The following PTCHD1 variants were observed in gnomAD, a reference collection of about 807,000 sequenced individuals.
PTCHD1 encodes the protein patched domain-containing protein 1.
In PTCHD1, 3 loss-of-function variants were observed where a neutral mutation model predicts 34.6. The ratio of observed to expected loss-of-function variants is 0.09; its 90% CI spans 0.04 to 0.22. The LOEUF is 0.22. PTCHD1 is among the 10% of genes least tolerant of loss of function. PTCHD1 has a pLI of 1.00. For synonymous variants in PTCHD1, 305 were observed against 283.1 expected (o/e 1.08, Z -0.77); for missense variants, 504 against 685.5 (o/e 0.74, Z 2.96).
At chrX:23,371,305 G>A (rs770449237) in intron 1 of PTCHD1, among the ~76,000 whole-genome samples, 1 of 111,872 alleles carries the variant, frequency 8.9e-6, no homozygotes, top group African/African-American at 3.2e-5. Flanking sequence ...ATATTTGGAA[G>A]ATAATCCCAG....
intron 1 of PTCHD1, among the ~76,000 whole-genome samples, chrX:23,349,398 A>G (rs1921566281): frequency 9.0e-6 from 1 of 111,613 alleles, no homozygotes; most frequent in Non-Finnish European, 1.9e-5. Flanking sequence ...AAAAGACCTA[A>G]CTCTATATTG....
Position 23,394,245 on chromosome X carries a change from A to G in PTCHD1, c.*60A>G. 1.2e-6 allele frequency: 1 copy of G among 811,847 alleles called. No individual in the cohort carries two copies. Among genetic ancestry groups the G allele is most frequent in the Non-Finnish European group, 1.8e-6 (1 of 551,639 alleles). The allele number at this position is 811,847 out of a possible 1,213,427, so 66.9% of individuals were successfully genotyped here. A position where few individuals can be genotyped will look rare whatever the true frequency, so the allele number is the denominator to read the frequency against. On this transcript the variant is annotated 3_prime_UTR_variant, in exon 3 of 3. Transcript: ENST00000379361. ...TATCAAGACCAAAGAGATTATGTTA[A>G]TGAAACAATTAAATTCAAAGTTCTT...
intron 2 of PTCHD1, among the ~76,000 whole-genome samples, chrX:23,382,551 A>C (rs1268838648): frequency 3.5e-5 from 4 of 112,687 alleles, no homozygotes; most frequent in East Asian, 2.8e-4. Context: ...TCTTTAAAAA[A>C]CAAATCCAGA....
intron 1 of PTCHD1, among the ~76,000 whole-genome samples, chrX:23,371,316 G>A (rs577390689): frequency 8.9e-5 from 10 of 111,807 alleles, no homozygotes; most frequent in South Asian, 7.6e-4. Flanking sequence ...ATAATCCCAG[G>A]AAGCACTGAG....
At chrX:23,352,827 C>G (rs1480628948) in intron 1 of PTCHD1, among the ~76,000 whole-genome samples, 1 of 112,017 alleles carries the variant, frequency 8.9e-6, no homozygotes, top group African/African-American at 3.2e-5. Context: ...GCCTGGGACC[C>G]TATTAGAACT....
intron 2 of PTCHD1, among the ~76,000 whole-genome samples, chrX:23,381,350 G>T (rs1922560068): frequency 8.9e-6 from 1 of 112,629 alleles, no homozygotes; most frequent in African/African-American, 3.2e-5. Context: ...GCGGGCCAAG[G>T]ATTCAAGAGG....
intron 1 of PTCHD1, among the ~76,000 whole-genome samples, chrX:23,375,177 G>A (rs1361304335): frequency 1.8e-5 from 2 of 111,435 alleles, no homozygotes; most frequent in African/African-American, 3.3e-5. Context: ...GAGTTTAGCT[G>A]TTTGGATTAT....
chrX:23,347,218 A>G (rs1921501627), intron 1 of PTCHD1, among the ~76,000 whole-genome samples: 1 of 112,219 alleles, frequency 8.9e-6, no homozygotes. Context: ...GGAATAGAAG[A>G]CAGGAAAAAA....
At chrX:23,337,029 C>T (rs1921188355) in intron 1 of PTCHD1, among the ~76,000 whole-genome samples, 1 of 111,554 alleles carries the variant, frequency 9.0e-6, no homozygotes, top group Non-Finnish European at 1.9e-5. Flanking sequence ...GTTACAGTCA[C>T]TCTCAAGGTT....
intron 2 of PTCHD1, among the ~76,000 whole-genome samples, chrX:23,380,531 T>C (rs1245156151): frequency 9.0e-6 from 1 of 111,297 alleles, no homozygotes; most frequent in Non-Finnish European, 1.9e-5. Flanking sequence ...TGTCCCAGTG[T>C]CTTAGGTTGG....
In PTCHD1 at chrX:23,400,656, C is replaced by T. The variant is rs749343719; in HGVS notation, c.*6471C>T. 1 of 111,898 alleles carries T rather than the reference C, an allele frequency of 8.9e-6. No individual in the cohort carries two copies. The highest frequency in any genetic ancestry group is 2.8e-4 in the East Asian group (1 of 3,542). The allele number at this position is 111,898 out of a possible 1,213,427, so 9.2% of individuals were successfully genotyped here. A position where few individuals can be genotyped will look rare whatever the true frequency, so the allele number is the denominator to read the frequency against. On this transcript the variant is annotated 3_prime_UTR_variant, in exon 3 of 3. Coordinates refer to ENST00000379361, the MANE Select transcript of PTCHD1 (RefSeq NM_173495.3). ...ACTTCAGGCACAACGGAAGCCGCCT[C>T]GGTTGGCCTATGGGAAGGGCTGGGT...
chrX:23,347,521 A>G (rs1427405858), intron 1 of PTCHD1, among the ~76,000 whole-genome samples: 1 of 112,425 alleles, frequency 8.9e-6, no homozygotes, highest in Non-Finnish European at 1.9e-5. Context: ...TCTGACCCCT[A>G]GATTAACATA....
rs1569140207 is a variant in PTCHD1, at chrX:23,380,260, T to C, written c.1012+9T>C. Reference sequence around the variant, plus strand: ...CCCTTTCGTCATGCTAGGTAATTACTACTCTTCTTTCTTCTGTTTCCGCCT... The same window carrying C: ...CCCTTTCGTCATGCTAGGTAATTACCACTCTTCTTTCTTCTGTTTCCGCCT... On this transcript the variant is annotated intron_variant, in intron 2 of 2. Transcript: ENST00000379361. The C allele has an allele frequency of 8.4e-7, 1 of 1,187,821 alleles. No homozygotes were observed. Among genetic ancestry groups the C allele is most frequent in the Non-Finnish European group, 1.1e-6 (1 of 874,720 alleles).
chrX:23,338,605 A>G (rs1921231082), intron 1 of PTCHD1, among the ~76,000 whole-genome samples: 1 of 112,327 alleles, frequency 8.9e-6, no homozygotes, highest in Non-Finnish European at 1.9e-5. Flanking sequence ...GAAAAATGCT[A>G]TATCCCATTT....
At chrX:23,375,337 G>A (rs908324456) in intron 1 of PTCHD1, among the ~76,000 whole-genome samples, 5 of 103,132 alleles carry the variant, frequency 4.8e-5, no homozygotes, top group Admixed American at 2.1e-4. Context: ...TCGCCCAGGC[G>A]GGAGTGCTGT....
intron 1 of PTCHD1, among the ~76,000 whole-genome samples, chrX:23,349,498 A>C (rs766853622): frequency 2.7e-4 from 30 of 112,100 alleles, no homozygotes; most frequent in Non-Finnish European, 4.9e-4. Context: ...CTGCTAACCA[A>C]GAGAAAGCTA....
At chrX:23,363,674 G>T (rs956067283) in intron 1 of PTCHD1, among the ~76,000 whole-genome samples, 1 of 112,697 alleles carries the variant, frequency 8.9e-6, no homozygotes, top group Non-Finnish European at 1.9e-5. Flanking sequence ...TGTCCAACCA[G>T]TCCCAGTGAG....
intron 1 of PTCHD1, among the ~76,000 whole-genome samples, chrX:23,342,306 ATATATTTTT>A (rs1921354826): frequency 1.0e-4 from 1 of 9,836 alleles, no homozygotes; most frequent in African/African-American, 1.2e-3. Flanking sequence ...ATATATATAT[ATATATTTTT>A]TTTTTTTTTT....
In PTCHD1 at chrX:23,402,314, TC is replaced by T. The variant is rs1923143428; in HGVS notation, c.*8130del. On this transcript the variant is annotated 3_prime_UTR_variant, in exon 3 of 3. Coordinates refer to ENST00000379361, the MANE Select transcript of PTCHD1 (RefSeq NM_173495.3). ...TTATACCAAACTCTCTGTCTCTCTC[TC>T]TCTCTCTCACACACACACACACAGA... 1 of 111,252 alleles carries T rather than the reference TC, an allele frequency of 9.0e-6. No individual in the cohort carries two copies. The highest frequency in any genetic ancestry group is 3.3e-5 in the African/African-American group (1 of 30,394). The allele number at this position is 111,252 out of a possible 1,213,427, so 9.2% of individuals were successfully genotyped here. A position where few individuals can be genotyped will look rare whatever the true frequency, so the allele number is the denominator to read the frequency against.
Sources: gnomAD v4.1 joint callset for allele counts (sites outside exome capture counted in the v4.1 genomes callset) on GRCh38, gnomAD v4.1.1 for gene constraint, MANE v1.5 for transcripts, NCBI Gene and HGNC (gene_info 2026-07-23, HGNC 2026-07-21) for gene names.